Variants in ANAPC1 observed in about 807,000 individuals in gnomAD.
ANAPC1 encodes the protein anaphase-promoting complex subunit 1.
ANAPC1 carries 36 observed loss-of-function variants against 208.0 expected under a neutral mutation model. The observed-to-expected ratio is 0.17, with a 90% confidence interval of 0.13 to 0.23. The LOEUF (loss-of-function observed/expected upper bound fraction) is 0.23. Ranked by LOEUF, ANAPC1 falls within the 10% of genes least tolerant of loss-of-function variation. ANAPC1 has a pLI of 1.00. For synonymous variants in ANAPC1, 378 were observed against 695.2 expected (o/e 0.54, Z 7.18); for missense variants, 942 against 2,011.6 (o/e 0.47, Z 10.17).
intron 35 of ANAPC1, 59 bp downstream of exon 35, chr2:111,794,759 T>C (rs1031827598): frequency 3.2e-6 from 3 of 924,998 alleles, no homozygotes; most frequent in Non-Finnish European, 5.0e-6. Flanking sequence ...ACATGGTATA[T>C]TTCAATTTAA....
At chr2:111,853,086 G>C (rs917792263) in intron 13 of ANAPC1, among the ~76,000 whole-genome samples, 1 of 152,122 alleles carries the variant, frequency 6.6e-6, no homozygotes, top group South Asian at 2.1e-4. Flanking sequence ...ATACTCAAGG[G>C]TGCCTTCTTG....
chr2:111,791,427 A>C (rs1025650045), intron 38 of ANAPC1, among the ~76,000 whole-genome samples: 1 of 150,024 alleles, frequency 6.7e-6, no homozygotes, highest in Non-Finnish European at 1.5e-5. Flanking sequence ...AATTCCACAC[A>C]GTTCTATATA....
intron 6 of ANAPC1, among the ~76,000 whole-genome samples, chr2:111,868,583 T>A (rs1395553217): frequency 4.6e-5 from 7 of 152,168 alleles, no homozygotes; most frequent in African/African-American, 1.7e-4. Context: ...CAGGCTAGAG[T>A]GCAGGGGCAT....
intron 34 of ANAPC1, among the ~76,000 whole-genome samples, chr2:111,798,566 A>G (rs1408172212): frequency 6.6e-6 from 1 of 152,012 alleles, no homozygotes; most frequent in Non-Finnish European, 1.5e-5. Context: ...AAAAGCAGAA[A>G]AGATTATCTT....
At chr2:111,880,095 C>T (rs536171929) in intron 2 of ANAPC1, among the ~76,000 whole-genome samples, 2 of 152,176 alleles carry the variant, frequency 1.3e-5, no homozygotes, top group South Asian at 4.2e-4. Flanking sequence ...ACAAGTTGGC[C>T]GGGCACAGTG....
intron 15 of ANAPC1, 82 bp downstream of exon 15, chr2:111,847,643 A>C (rs1681166119): frequency 7.5e-7 from 1 of 1,329,242 alleles, no homozygotes; most frequent in Non-Finnish European, 9.8e-7. Context: ...GTTTGTTGTC[A>C]TTTTTCAGAC....
chr2:111,837,645 A>C (rs1680541903), intron 18 of ANAPC1, among the ~76,000 whole-genome samples: 1 of 151,878 alleles, frequency 6.6e-6, no homozygotes. Flanking sequence ...AATTTTATGG[A>C]GTTATAAAAA....
At chr2:111,857,840 G>GTCC (rs1681818615) in intron 11 of ANAPC1, among the ~76,000 whole-genome samples, 1 of 152,172 alleles carries the variant, frequency 6.6e-6, no homozygotes, top group Non-Finnish European at 1.5e-5. Context: ...CATGGTGGTA[G>GTCC]ATCTATACAA....
At chr2:111,876,620 G>GA (rs1201288544) in intron 3 of ANAPC1, among the ~76,000 whole-genome samples, 4 of 152,044 alleles carry the variant, frequency 2.6e-5, no homozygotes, top group Non-Finnish European at 4.4e-5. Flanking sequence ...AATTATATGG[G>GA]AAAAAATTTA....
At chr2:111,774,857 T>C (rs1233683507) in intron 46 of ANAPC1, among the ~76,000 whole-genome samples, 1 of 129,032 alleles carries the variant, frequency 7.8e-6, no homozygotes, top group Non-Finnish European at 1.6e-5. Context: ...ACTTTGTATA[T>C]TCTTTAAATT....
At position 111,832,937 on chromosome 2, in the gene ANAPC1, C is replaced by CAAAAAAAAAAAAAAAA. The variant is rs908553180; in HGVS notation, c.2476+267_2476+282dup. On this transcript the variant is annotated intron_variant, in intron 20 of 47. Transcript: ENST00000341068. ...TGGGTGACAGAGCGAGACTCAGTCTCAAAAAAAAAAAAAAAAAAAGCATCC... is the reference window on the plus strand; with the variant it reads ...TGGGTGACAGAGCGAGACTCAGTCTCAAAAAAAAAAAAAAAAAAAAAAAAAAAAAAAAAAAGCATCC... Among the ~76,000 whole-genome samples the CAAAAAAAAAAAAAAAA allele has an allele frequency of 9.5e-4, 51 of 53,596 alleles. 5 individuals are homozygous for CAAAAAAAAAAAAAAAA. The highest frequency in any genetic ancestry group is 0.022 in the Middle Eastern group (1 of 46). 35.2% of individuals were successfully genotyped at this position (53,596 alleles called of 152,430 possible). A position where few individuals can be genotyped will look rare whatever the true frequency, so the allele number is the denominator to read the frequency against.
intron 21 of ANAPC1, among the ~76,000 whole-genome samples, chr2:111,829,130 C>A (rs1017184020): frequency 6.6e-6 from 1 of 152,168 alleles, no homozygotes; most frequent in Non-Finnish European, 1.5e-5. Flanking sequence ...AGGAGAATCG[C>A]TTGAACCTAG....
chr2:111,804,504 T>C (rs1374695926), intron 30 of ANAPC1, among the ~76,000 whole-genome samples: 3 of 101,070 alleles, frequency 3.0e-5, no homozygotes, highest in African/African-American at 7.0e-5. Context: ...TGTGATTCTT[T>C]TCTTTTTTTT....
Position 111,869,627 on chromosome 2 carries a change from G to A in ANAPC1, c.612-1531C>T, listed in dbSNP as rs187305190. On this transcript the variant is annotated intron_variant, in intron 6 of 47. Coordinates refer to ENST00000341068, the MANE Select transcript of ANAPC1 (RefSeq NM_022662.4). ...AAAAGGCTAATTAAGTGCCAAGTGC[G>A]TAGAGTTCATGAGTGTACATACAGG... is the stretch of plus-strand genomic sequence containing the variant. 5.8e-4 allele frequency among the ~76,000 whole-genome samples: 88 copies of A among 152,324 alleles called. 2 individuals are homozygous for A. Among genetic ancestry groups the A allele is most frequent in the East Asian group, 4.0e-3 (21 of 5,186 alleles).
chr2:111,869,523 G>A (rs905513195), intron 6 of ANAPC1, among the ~76,000 whole-genome samples: 6 of 152,208 alleles, frequency 3.9e-5, no homozygotes, highest in African/African-American at 1.4e-4. Context: ...TGGGATTACA[G>A]ACGTGGGCCA....
intron 28 of ANAPC1, among the ~76,000 whole-genome samples, chr2:111,812,928 G>A (rs1379170806): frequency 5.3e-5 from 6 of 114,222 alleles, no homozygotes; most frequent in Admixed American, 4.7e-4. Flanking sequence ...GTCTGCCCCC[G>A]AAATCAGAAG....
intron 46 of ANAPC1, among the ~76,000 whole-genome samples, chr2:111,774,748 A>G (rs1260799513): frequency 3.0e-5 from 2 of 67,092 alleles, no homozygotes; most frequent in Admixed American, 1.9e-4. Context: ...AATTTGGAAA[A>G]TTGAGTGTGG....
chr2:111,882,268 T>C (rs1397714491), intron 1 of ANAPC1, among the ~76,000 whole-genome samples: 5 of 152,040 alleles, frequency 3.3e-5, no homozygotes, highest in Admixed American at 6.5e-5. Context: ...GTCTCCTAGT[T>C]CGGTGGCCCT....
intron 22 of ANAPC1, 23 bp downstream of exon 22, chr2:111,825,754 G>C (rs1679797932): frequency 1.3e-6 from 2 of 1,594,742 alleles, no homozygotes; most frequent in East Asian, 4.5e-5. Flanking sequence ...TTTGTTTCCA[G>C]AGGCAACATT....
Sources: allele counts gnomAD v4.1 joint callset (sites outside exome capture counted in the v4.1 genomes callset), GRCh38; gene constraint gnomAD v4.1.1; transcripts MANE v1.5; gene names NCBI Gene and HGNC (gene_info 2026-07-23, HGNC 2026-07-21).